Variants in NUDT21 observed in about 807,000 individuals in gnomAD.
The protein encoded by NUDT21 is cleavage and polyadenylation specificity factor subunit 5.
NUDT21 carries 5 observed loss-of-function variants against 29.8 expected under a neutral mutation model. The ratio of observed to expected loss-of-function variants is 0.17; its 90% CI spans 0.09 to 0.35. The LOEUF is 0.35. NUDT21 is among the 10% of genes least tolerant of loss of function. NUDT21 has a pLI of 1.00. For missense variants in NUDT21, 76 were observed against 276.0 expected (o/e 0.28, Z 5.13); for synonymous variants, 113 against 98.5 (o/e 1.15, Z -0.87).
chr16:56,450,576 T>C (rs899090982), intron 1 of NUDT21, among the ~76,000 whole-genome samples: 2 of 152,168 alleles, frequency 1.3e-5, no homozygotes, highest in Admixed American at 6.5e-5. Context: ...TGTGTTGTAT[T>C]CAAAAACTGA....
chr16:56,444,861 A>G (rs1962200909), intron 3 of NUDT21, among the ~76,000 whole-genome samples: 1 of 152,068 alleles, frequency 6.6e-6, no homozygotes. Context: ...CAAAATCTCA[A>G]ACTTTTTGAG....
chr16:56,443,211 C>G (rs1339281939), intron 3 of NUDT21, among the ~76,000 whole-genome samples: 4 of 151,168 alleles, frequency 2.6e-5, no homozygotes, highest in Non-Finnish European at 5.9e-5. Context: ...AAGTCTTGCT[C>G]TGTTGCCCAG....
intron 4 of NUDT21, among the ~76,000 whole-genome samples, chr16:56,435,603 G>A (rs1294151144): frequency 1.0e-4 from 15 of 147,378 alleles, no homozygotes; most frequent in Admixed American, 6.7e-5. Flanking sequence ...GCGGGCGCCT[G>A]TAGTCCCAGC....
rs1449491855 is a variant in NUDT21, at chr16:56,429,617, A to G, written c.*3095T>C. 1 of 152,246 alleles carries G rather than the reference A, an allele frequency of 6.6e-6. No homozygotes were observed. The highest frequency in any genetic ancestry group is 1.5e-5 in the Non-Finnish European group (1 of 68,040). The allele number at this position is 152,246 out of a possible 1,614,324, so 9.4% of individuals were successfully genotyped here. ...TTTGAACAAAAGCAAACTGCTTGAA[A>G]TGAGTCCAGTTTAACCCAAATAATC... On this transcript the variant is annotated 3_prime_UTR_variant, in exon 7 of 7. Transcript: ENST00000300291.
rs1447182719 is a variant in NUDT21 at position 56,431,500 on chromosome 16, GCCC to G, written c.*1209_*1211del. The G allele has an allele frequency of 6.6e-6, 1 of 152,146 alleles. No homozygotes were observed. Among genetic ancestry groups the G allele is most frequent in the Non-Finnish European group, 1.5e-5 (1 of 68,022 alleles). 9.4% of individuals were successfully genotyped at this position (152,146 alleles called of 1,614,324 possible). A position where few individuals can be genotyped will look rare whatever the true frequency, so the allele number is the denominator to read the frequency against. ...ACATCACCCAATATTCAGGAAAATA[GCCC>G]TGTGACTGGCACCATACTAATCAAA... On this transcript the variant is annotated 3_prime_UTR_variant, in exon 7 of 7. Transcript: ENST00000300291.
At position 56,431,045 on chromosome 16, in the gene NUDT21, G is replaced by A. The variant is rs1316574238; in HGVS notation, c.*1667C>T. The A allele has an allele frequency of 1.3e-5, 2 of 152,138 alleles. No individual in the cohort carries two copies. Among genetic ancestry groups the A allele is most frequent in the Non-Finnish European group, 2.9e-5 (2 of 68,032 alleles). 9.4% of individuals were successfully genotyped at this position (152,138 alleles called of 1,614,324 possible). ...TACCTCTCTCCACCCTCCACAAATT[G>A]CAAAAGTGAACATCTGAAATGTGGC... On this transcript the variant is annotated 3_prime_UTR_variant, in exon 7 of 7. Transcript: ENST00000300291.
chr16:56,444,302 C>G (rs920312182), intron 3 of NUDT21, among the ~76,000 whole-genome samples: 1 of 151,740 alleles, frequency 6.6e-6, no homozygotes, highest in Non-Finnish European at 1.5e-5. Context: ...ATAAGTAAGC[C>G]TAGACTGACA....
intron 3 of NUDT21, among the ~76,000 whole-genome samples, chr16:56,443,329 A>G (rs1389364988): frequency 2.0e-5 from 3 of 152,046 alleles, no homozygotes; most frequent in Admixed American, 2.0e-4. Context: ...GGCACCCGCC[A>G]CCACGCCCAG....
At position 56,430,107 on chromosome 16, in the gene NUDT21, CTATT is replaced by C. The variant is rs546225326; in HGVS notation, c.*2601_*2604del. Reference sequence around the variant, plus strand: ...AAATATCCAAAATAATAAGTGAATGCTATTTATAAGACAATAAAAAGTTTTAAAA... The same window carrying C: ...AAATATCCAAAATAATAAGTGAATGCTATAAGACAATAAAAAGTTTTAAAA... On this transcript the variant is annotated 3_prime_UTR_variant, in exon 7 of 7. Transcript: ENST00000300291. 2 of 152,126 alleles carry C rather than the reference CTATT, an allele frequency of 1.3e-5. No individual in the cohort carries two copies. The highest frequency in any genetic ancestry group is 2.9e-5 in the Non-Finnish European group (2 of 68,002). The allele number at this position is 152,126 out of a possible 1,614,324, so 9.4% of individuals were successfully genotyped here.
chr16:56,448,884 T>C (rs1466757749), intron 1 of NUDT21, among the ~76,000 whole-genome samples: 1 of 152,212 alleles, frequency 6.6e-6, no homozygotes, highest in African/African-American at 2.4e-5. Context: ...TCAACATTAT[T>C]GTATCTACCC....
At position 56,451,155 on chromosome 16, in the gene NUDT21, C is replaced by G; in HGVS notation, c.48G>C (p.Gly16=). ...PNRSQTGWPR[G]VTQFGNKYIQ... Reference sequence around the variant, plus strand: ...TGTACTTGTTGCCGAACTGAGTGACCCCCCGGGGCCAGCCGGTCTGCGAGC... The same window carrying G: ...TGTACTTGTTGCCGAACTGAGTGACGCCCCGGGGCCAGCCGGTCTGCGAGC... Residue 16 remains glycine, a synonymous_variant, in exon 1 of 7, where the codon GGG becomes GGC. Coordinates refer to ENST00000300291, the MANE Select transcript of NUDT21 (RefSeq NM_007006.3). The G allele has an allele frequency of 6.2e-7, 1 of 1,613,166 alleles. No individual in the cohort carries two copies. The highest frequency in any genetic ancestry group is 8.5e-7 in the Non-Finnish European group (1 of 1,179,600).
chr16:56,448,016 A>G, intron 1 of NUDT21, 27 bp from the exon 2 acceptor site: 3 of 1,581,318 alleles, frequency 1.9e-6, no homozygotes, highest in Non-Finnish European at 1.7e-6. Context: ...AACATCTAAC[A>G]TGAGAACTGA....
chr16:56,434,802 T>C lies in NUDT21; in HGVS notation c.499A>G (p.Lys167Glu). The C allele has an allele frequency of 6.3e-7, 1 of 1,597,220 alleles. No individual in the cohort carries two copies. The highest frequency in any genetic ancestry group is 8.6e-7 in the Non-Finnish European group (1 of 1,165,886). ...AACAACTTCTTATGTTCCTTAGGCT[T>C]TGTAATATGTGCAGGAATATATGGA... ...QYPYIPAHIT[K>E]PKEHKKLFLV... is the part of the protein sequence containing the mutation. The change falls in exon 5 of 7, where the codon AAG (lysine) becomes GAG (glutamate). Residue 167 changes from lysine to glutamate, a missense_variant. This residue lies in a region of NUDT21 where 13 missense variants were observed against 16.6 expected (regional missense o/e 0.79). Transcript: ENST00000300291.
chr16:56,442,378 G>C (rs1419263211), intron 3 of NUDT21, among the ~76,000 whole-genome samples: 1 of 152,196 alleles, frequency 6.6e-6, no homozygotes, highest in East Asian at 1.9e-4. Flanking sequence ...TTGATTTATA[G>C]TTTGATTAGA....
intron 5 of NUDT21, 90 bp from the exon 6 acceptor site, chr16:56,434,535 A>G (rs1962072647): frequency 7.1e-6 from 6 of 847,876 alleles, no homozygotes; most frequent in Non-Finnish European, 1.1e-5. Context: ...ATTTAATAAA[A>G]AGTGTAAGAA....
chr16:56,444,921 T>C (rs1459958892), intron 3 of NUDT21, among the ~76,000 whole-genome samples: 1 of 151,996 alleles, frequency 6.6e-6, no homozygotes, highest in African/African-American at 2.4e-5. Context: ...TGGTGGCTCA[T>C]GCCTGTAATC....
At chr16:56,435,451 G>A (rs1354487545) in intron 4 of NUDT21, among the ~76,000 whole-genome samples, 1 of 151,508 alleles carries the variant, frequency 6.6e-6, no homozygotes, top group Admixed American at 6.6e-5. Context: ...TATAGGCTGG[G>A]CACAGTGGCT....
intron 3 of NUDT21, among the ~76,000 whole-genome samples, chr16:56,441,396 C>T (rs763721019): frequency 5.3e-5 from 8 of 152,028 alleles, no homozygotes; most frequent in Admixed American, 1.3e-4. Flanking sequence ...GCCACCACAC[C>T]CAGCTTTTTT....
chr16:56,451,119 C>A lies in NUDT21; in HGVS notation c.84G>T (p.Thr28=). 1 of 1,613,774 alleles carries A rather than the reference C, an allele frequency of 6.2e-7. No homozygotes were observed. Among genetic ancestry groups the A allele is most frequent in the Non-Finnish European group, 8.5e-7 (1 of 1,179,870 alleles). The part of the protein sequence containing the change: ...TQFGNKYIQQ[T]KPLTLERTIN... ...TGGTGCGCTCCAGGGTGAGGGGCTT[C>A]GTCTGCTGGATGTACTTGTTGCCGA... Residue 28 remains threonine (T), a synonymous_variant, in exon 1 of 7, where the codon ACG becomes ACT. Coordinates refer to ENST00000300291, the MANE Select transcript of NUDT21 (RefSeq NM_007006.3).
Sources: gnomAD v4.1 joint callset for allele counts (sites outside exome capture counted in the v4.1 genomes callset) on GRCh38, gnomAD v4.1.1 for gene constraint, gnomAD v4.1.1 regional missense constraint, MANE v1.5 for transcripts, NCBI Gene and HGNC (gene_info 2026-07-23, HGNC 2026-07-21) for gene names.